Variants in HHIP observed in about 807,000 individuals in gnomAD.
HHIP encodes the protein hedgehog-interacting protein.
HHIP carries 12 observed loss-of-function variants against 74.0 expected under a neutral mutation model. That is an observed-to-expected ratio of 0.16 (90% CI 0.10 to 0.26). The LOEUF (loss-of-function observed/expected upper bound fraction) is 0.26. HHIP is among the 10% of genes least tolerant of loss of function. The pLI is 1.00. For synonymous variants in HHIP, 309 were observed against 311.6 expected (o/e 0.99, Z 0.09); for missense variants, 788 against 845.0 (o/e 0.93, Z 0.84).
intron 4 of HHIP, among the ~76,000 whole-genome samples, chr4:144,684,420 G>A (rs1488682317): frequency 6.7e-6 from 1 of 150,128 alleles, no homozygotes; most frequent in East Asian, 2.0e-4. Context: ...CACCACGCCC[G>A]GCTATTTTTT....
At chr4:144,680,768 T>G (rs1237098442) in intron 4 of HHIP, among the ~76,000 whole-genome samples, 1 of 152,204 alleles carries the variant, frequency 6.6e-6, no homozygotes, top group African/African-American at 2.4e-5. Context: ...GGTAGAGATT[T>G]ATGGTATTAG....
intron 11 of HHIP, among the ~76,000 whole-genome samples, chr4:144,732,311 A>G (rs1268600349): frequency 6.6e-6 from 1 of 152,230 alleles, no homozygotes; most frequent in Non-Finnish European, 1.5e-5. Flanking sequence ...AGGGAATTAC[A>G]ATGTTTGTAT....
At chr4:144,716,877 A>AAAAAAAAAAAAG (rs1730465880) in intron 10 of HHIP, among the ~76,000 whole-genome samples, 1 of 149,586 alleles carries the variant, frequency 6.7e-6, no homozygotes, top group Admixed American at 6.6e-5. Context: ...AAAAAAAAAA[A>AAAAAAAAAAAAG]AAAAAAAAAA....
chr4:144,733,498 T>C (rs1362732650), intron 11 of HHIP, among the ~76,000 whole-genome samples: 6 of 152,174 alleles, frequency 3.9e-5, no homozygotes, highest in South Asian at 2.1e-4. Context: ...ACTGTTCATA[T>C]TGCCATAGGG....
chr4:144,664,202 A>T (rs6852346), intron 4 of HHIP, among the ~76,000 whole-genome samples: 54,962 of 152,042 alleles, frequency 0.36, 11,299 homozygotes, highest in South Asian at 0.52. Flanking sequence ...GCAGTCCTTT[A>T]ACCAGGGGAG....
intron 4 of HHIP, among the ~76,000 whole-genome samples, chr4:144,684,231 AATTT>A: frequency 8.3e-6 from 1 of 119,776 alleles, no homozygotes; most frequent in African/African-American, 3.1e-5. Context: ...AAAAAAAAAG[AATTT>A]TTTTTTTTTT....
chr4:144,655,404 T>C (rs1263588510), intron 2 of HHIP, among the ~76,000 whole-genome samples: 7 of 152,188 alleles, frequency 4.6e-5, no homozygotes, highest in Non-Finnish European at 7.3e-5. Flanking sequence ...GGGAAGCATA[T>C]CGATGGACGT....
intron 4 of HHIP, among the ~76,000 whole-genome samples, chr4:144,665,584 TTAA>T (rs1331542815): frequency 6.6e-6 from 1 of 152,246 alleles, no homozygotes; most frequent in Non-Finnish European, 1.5e-5. Context: ...CAAAAGTCCC[TTAA>T]TAATGTGAAA....
chr4:144,652,914 T>G (rs570515661), intron 2 of HHIP, 117 bp downstream of exon 2: 1 of 637,576 alleles, frequency 1.6e-6, no homozygotes, highest in African/African-American at 1.9e-5. Flanking sequence ...TAAAAATACC[T>G]ATTTTACCTC....
In HHIP at chr4:144,741,232, T is replaced by C. The variant is rs1560728310; in HGVS notation, c.*3275T>C. 1 of 151,974 alleles carries C rather than the reference T, an allele frequency of 6.6e-6. No homozygotes were observed. The highest frequency in any genetic ancestry group is 6.5e-5 in the Admixed American group (1 of 15,272). 9.4% of individuals were successfully genotyped at this position (151,974 alleles called of 1,614,324 possible). A position where few individuals can be genotyped will look rare whatever the true frequency, so the allele number is the denominator to read the frequency against. ...AGAGTAGAGAAACCAACACATACAA[T>C]ATATACACACAACCTAAATAGAAAA... On this transcript the variant is annotated 3_prime_UTR_variant, in exon 13 of 13. Transcript: ENST00000296575.
intron 10 of HHIP, among the ~76,000 whole-genome samples, chr4:144,716,854 GAAAAAAAAAAAAAA>G (rs869028218): frequency 2.0e-3 from 110 of 54,660 alleles, no homozygotes; most frequent in African/African-American, 1.7e-3. Flanking sequence ...CGTCTCAAAA[GAAAAAAAAAAAAAA>G]AAAAAAAAAA....
chr4:144,707,733 C>T (rs919285365), intron 6 of HHIP, among the ~76,000 whole-genome samples: 4 of 149,456 alleles, frequency 2.7e-5, no homozygotes, highest in Middle Eastern at 3.5e-3. Flanking sequence ...TCTGGAACGG[C>T]CCAGTTTCAT....
In HHIP at chr4:144,666,501, C is replaced by T. The variant is rs568381795; in HGVS notation, c.831+6663C>T. The stretch of plus-strand genomic sequence containing the variant: ...CCCTGTCAGGTAGGTGTTAATATCC[C>T]TTTTCACAGATGAAGGGACTGAGGC... On this transcript the variant is annotated intron_variant, in intron 4 of 12. Transcript: ENST00000296575. Among the ~76,000 whole-genome samples, 4 of 152,186 alleles carry T rather than the reference C, an allele frequency of 2.6e-5. No individual in the cohort carries two copies. The East Asian group carries it at 7.7e-4, about 29-fold the overall frequency.
chr4:144,688,959 G>A (rs919504766), intron 4 of HHIP, among the ~76,000 whole-genome samples: 1 of 152,170 alleles, frequency 6.6e-6, no homozygotes, highest in African/African-American at 2.4e-5. Context: ...CCAGTAGGAA[G>A]ATATCATTTA....
chr4:144,660,042 T>C (rs962141269), intron 4 of HHIP: 2 of 562,900 alleles, frequency 3.6e-6, no homozygotes, highest in African/African-American at 1.9e-5. Flanking sequence ...TATTGTGCGC[T>C]GCAATCGAAT....
At chr4:144,726,459 G>A (rs538537418) in intron 11 of HHIP, among the ~76,000 whole-genome samples, 2 of 152,244 alleles carry the variant, frequency 1.3e-5, no homozygotes, top group African/African-American at 4.8e-5. Flanking sequence ...TTATTAAAAT[G>A]TAAAAAATAT....
intron 4 of HHIP, chr4:144,660,135 A>C (rs1008752910): frequency 8.1e-6 from 4 of 495,060 alleles, no homozygotes; most frequent in African/African-American, 5.9e-5. Flanking sequence ...AATATTGTTT[A>C]ATGGGCATAA....
chr4:144,674,013 T>C (rs1022325328), intron 4 of HHIP, among the ~76,000 whole-genome samples: 2 of 152,248 alleles, frequency 1.3e-5, no homozygotes, highest in African/African-American at 4.8e-5. Flanking sequence ...ATCATCTTAC[T>C]TGCACATGTA....
In HHIP at chr4:144,703,757, C is replaced by T. The variant is rs560901058; in HGVS notation, c.832-2774C>T. ...CTCCAGGCACCAACGTCCAGGCTCT[C>T]GGGCTAGGACGGTGTCCTGGTGAAG... On this transcript the variant is annotated intron_variant, in intron 4 of 12. Transcript: ENST00000296575. Among the ~76,000 whole-genome samples the T allele has an allele frequency of 2.0e-5, 3 of 152,232 alleles. 1 individual carries two copies. The highest frequency in any genetic ancestry group is 2.0e-4 in the Admixed American group (3 of 15,286).
Sources: allele counts gnomAD v4.1 joint callset (sites outside exome capture counted in the v4.1 genomes callset), GRCh38; gene constraint gnomAD v4.1.1; transcripts MANE v1.5; gene names NCBI Gene and HGNC (gene_info 2026-07-23, HGNC 2026-07-21).